ATP6V1A: variants seen among roughly 807,000 people sequenced by gnomAD.
ATP6V1A encodes the protein V-type proton ATPase catalytic subunit A.
A neutral mutation model predicts 70.1 loss-of-function variants in ATP6V1A; 18 were observed. The ratio of observed to expected loss-of-function variants is 0.26; its 90% CI spans 0.18 to 0.38. The LOEUF is 0.38. ATP6V1A is among the 10% of genes least tolerant of loss of function. ATP6V1A has a pLI of 1.00. For missense variants in ATP6V1A, 424 were observed against 772.4 expected (o/e 0.55, Z 5.35); for synonymous variants, 232 against 253.8 (o/e 0.91, Z 0.82).
Position 113,784,391 on chromosome 3 carries a change from C to G in ATP6V1A, c.379C>G (p.Leu127Val). The G allele has an allele frequency of 6.2e-7, 1 of 1,614,106 alleles. No individual in the cohort carries two copies. The highest frequency in any genetic ancestry group is 1.3e-5 in the African/African-American group (1 of 75,038). Residue 127 changes from leucine to valine, a missense_variant, in exon 4 of 15, where the codon CTT becomes GTT. Physicochemically the swap from Leu to Val is conservative, Grantham distance 32. Transcript: ENST00000273398. ...YIPRGVNVSA[L>V]SRDIKWDFTP... ...CCCCAGAGGAGTAAACGTGTCTGCTCTTAGCAGAGATATCAAATGGGACTT... is the reference window on the plus strand; with the variant it reads ...CCCCAGAGGAGTAAACGTGTCTGCTGTTAGCAGAGATATCAAATGGGACTT...
chr3:113,767,725 C>T (rs953354167), intron 1 of ATP6V1A, among the ~76,000 whole-genome samples: 13 of 151,956 alleles, frequency 8.6e-5, no homozygotes, highest in East Asian at 7.7e-4. Context: ...AATCTCAGCT[C>T]GCTGCAACCT....
chr3:113,785,846 T>C (rs145737038), intron 5 of ATP6V1A, among the ~76,000 whole-genome samples: 131 of 150,742 alleles, frequency 8.7e-4, no homozygotes, highest in African/African-American at 2.9e-3. Flanking sequence ...CTTTGTTGCT[T>C]AATATACTTC....
At chr3:113,768,272 A>T (rs1321104191) in intron 1 of ATP6V1A, among the ~76,000 whole-genome samples, 10 of 152,158 alleles carry the variant, frequency 6.6e-5, no homozygotes, top group Non-Finnish European at 1.3e-4. Flanking sequence ...AGTCCACCTT[A>T]GTAATTCTTA....
In ATP6V1A at chr3:113,809,402, A is replaced by G; in HGVS notation, c.1829A>G (p.Asn610Ser). 6.2e-7 allele frequency: 1 copy of G among 1,613,826 alleles called. No homozygotes were observed. Among genetic ancestry groups the G allele is most frequent in the Non-Finnish European group, 8.5e-7 (1 of 1,179,762 alleles). The part of the protein sequence containing the change: ...DYAQLLEDMQ[N>S]AFRSLED Reference sequence around the variant, plus strand: ...GCACAACTTCTTGAAGACATGCAGAATGCATTCCGTAGCCTTGAAGATTAG... The same window carrying G: ...GCACAACTTCTTGAAGACATGCAGAGTGCATTCCGTAGCCTTGAAGATTAG... Residue 610 changes from asparagine to serine, a missense_variant, in exon 15 of 15, where the codon AAT becomes AGT. Asn to Ser is a conservative substitution (Grantham distance 46). Coordinates refer to ENST00000273398, the MANE Select transcript of ATP6V1A (RefSeq NM_001690.4).
intron 12 of ATP6V1A, among the ~76,000 whole-genome samples, chr3:113,799,051 G>A: frequency 6.6e-6 from 1 of 152,146 alleles, no homozygotes; most frequent in Middle Eastern, 3.4e-3. Flanking sequence ...ACTATTTATA[G>A]AATAAAAATA....
chr3:113,770,425 C>T (rs1298820020), intron 1 of ATP6V1A, among the ~76,000 whole-genome samples: 1 of 152,132 alleles, frequency 6.6e-6, no homozygotes, highest in Non-Finnish European at 1.5e-5. Flanking sequence ...TGCCTGTAAT[C>T]CCAGCACTTT....
intron 8 of ATP6V1A, among the ~76,000 whole-genome samples, chr3:113,791,858 C>T (rs933400892): frequency 4.3e-5 from 6 of 138,388 alleles, no homozygotes; most frequent in Non-Finnish European, 9.7e-5. Context: ...TGCAGTGTTC[C>T]AAACAAAGCA....
rs763319002 is a variant in ATP6V1A, at chr3:113,795,974, C to T, written c.1290+35C>T. 8 of 1,523,308 alleles carry T rather than the reference C, an allele frequency of 5.3e-6. No homozygotes were observed. The East Asian group carries it at 1.4e-4, about 26-fold the overall frequency. The allele number at this position is 1,523,308 out of a possible 1,614,324, so 94.4% of individuals were successfully genotyped here. A position where few individuals can be genotyped will look rare whatever the true frequency, so the allele number is the denominator to read the frequency against. The stretch of plus-strand genomic sequence containing the variant: ...TCCCTAGTATAGTCAACTTCTGAGC[C>T]TTTCCTCCTCTCTGCAGCCCCTGCT... On this transcript the variant is annotated intron_variant, in intron 11 of 14. Coordinates refer to ENST00000273398, the MANE Select transcript of ATP6V1A (RefSeq NM_001690.4).
At chr3:113,765,113 A>G (rs1377367035) in intron 1 of ATP6V1A, among the ~76,000 whole-genome samples, 1 of 152,032 alleles carries the variant, frequency 6.6e-6, no homozygotes, top group African/African-American at 2.4e-5. Context: ...TCTATTTTTA[A>G]TAGTAGCAAA....
chr3:113,773,298 A>G (rs756905045), intron 1 of ATP6V1A, among the ~76,000 whole-genome samples: 25 of 152,148 alleles, frequency 1.6e-4, no homozygotes, highest in Non-Finnish European at 3.5e-4. Context: ...TATTCACCAA[A>G]TTAATGCAAA....
At chr3:113,786,857 A>G (rs1415030712) in intron 6 of ATP6V1A, among the ~76,000 whole-genome samples, 1 of 151,358 alleles carries the variant, frequency 6.6e-6, no homozygotes, top group Non-Finnish European at 1.5e-5. Flanking sequence ...GCTCACTGCA[A>G]CCTCTGCCTC....
intron 1 of ATP6V1A, among the ~76,000 whole-genome samples, chr3:113,763,309 G>A (rs36091306): frequency 6.6e-6 from 1 of 152,074 alleles, no homozygotes. Flanking sequence ...GGATGGTCTC[G>A]ATCTCCTGAC....
intron 11 of ATP6V1A, among the ~76,000 whole-genome samples, chr3:113,796,678 A>T (rs1465008104): frequency 6.6e-6 from 1 of 152,234 alleles, no homozygotes; most frequent in Non-Finnish European, 1.5e-5. Flanking sequence ...TATATTATTC[A>T]TGTGGGAAAA....
At position 113,762,977 on chromosome 3, in the gene ATP6V1A, A is replaced by AT. The variant is rs905881007; in HGVS notation, c.-13-15758dup. On this transcript the variant is annotated intron_variant, in intron 1 of 14. Coordinates refer to ENST00000273398, the MANE Select transcript of ATP6V1A (RefSeq NM_001690.4). Reference sequence around the variant, plus strand: ...TTAAGGGCGTGGTTGCATATTACCAATTTTTTCCCCATGTTTCCTAGAAAA... The same window carrying AT: ...TTAAGGGCGTGGTTGCATATTACCAATTTTTTTCCCCATGTTTCCTAGAAAA... Among the ~76,000 whole-genome samples, 18 of 152,010 alleles carry AT rather than the reference A, an allele frequency of 1.2e-4. No homozygotes were observed. In the East Asian group the frequency reaches 3.5e-3, roughly 29 times the overall value.
chr3:113,785,043 A>G (rs1389915752), intron 5 of ATP6V1A, among the ~76,000 whole-genome samples: 1 of 152,266 alleles, frequency 6.6e-6, no homozygotes, highest in Non-Finnish European at 1.5e-5. Context: ...AAAGAAATGT[A>G]ACAGTTTTCT....
chr3:113,790,302 CAA>C (rs773821991), intron 8 of ATP6V1A, among the ~76,000 whole-genome samples: 4 of 24,500 alleles, frequency 1.6e-4, no homozygotes, highest in South Asian at 1.4e-3. Context: ...GACTCTGTCT[CAA>C]AAAAAAAAAA....
chr3:113,759,587 GAATCTAATTTAATATTTTCTT>G (rs1035032377), intron 1 of ATP6V1A, among the ~76,000 whole-genome samples: 2 of 151,680 alleles, frequency 1.3e-5, no homozygotes, highest in Non-Finnish European at 2.9e-5. Context: ...TTAATAAATT[GAATCTAATTTAATATTTTCTT>G]AATATTTAAG....
At chr3:113,801,680 C>A (rs1709213882) in intron 12 of ATP6V1A, among the ~76,000 whole-genome samples, 1 of 152,074 alleles carries the variant, frequency 6.6e-6, no homozygotes, top group Non-Finnish European at 1.5e-5. Flanking sequence ...AGGGAGGGTG[C>A]ACACCACAGA....
chr3:113,757,412 A>G (rs1708657291), intron 1 of ATP6V1A, among the ~76,000 whole-genome samples: 1 of 152,214 alleles, frequency 6.6e-6, no homozygotes, highest in African/African-American at 2.4e-5. Context: ...CACCCTCCAA[A>G]TGAGCCATTG....
Sources: gnomAD v4.1 joint callset for allele counts (sites outside exome capture counted in the v4.1 genomes callset) on GRCh38, gnomAD v4.1.1 for gene constraint, MANE v1.5 for transcripts, NCBI Gene and HGNC (gene_info 2026-07-23, HGNC 2026-07-21) for gene names.